Variants in B3GAT2 observed in about 807,000 individuals in gnomAD.
B3GAT2 encodes galactosylgalactosylxylosylprotein 3-beta-glucuronosyltransferase 2.
A neutral mutation model predicts 27.8 loss-of-function variants in B3GAT2; 26 were observed. That is an observed-to-expected ratio of 0.93 (90% CI 0.68 to 1.30). B3GAT2 has a LOEUF of 1.30. Among genes scored for constraint, B3GAT2 ranks in the 50% most tolerant of loss-of-function variants. The pLI is 0.00. For synonymous variants in B3GAT2, 218 were observed against 195.1 expected (o/e 1.12, Z -0.98); for missense variants, 458 against 459.0 (o/e 1.00, Z 0.02).
chr6:70,861,223 A>G lies in B3GAT2; in HGVS notation c.*440T>C, dbSNP rs2150019087. On this transcript the variant is annotated 3_prime_UTR_variant, in exon 4 of 4. Coordinates refer to ENST00000230053, the MANE Select transcript of B3GAT2 (RefSeq NM_080742.3). ...GATGTATACTGCCACTAACCTTCCA[A>G]AAATTACTTAGTATTGCAAAGTCAG... The G allele has an allele frequency of 5.8e-6, 1 of 171,020 alleles. No individual in the cohort carries two copies. Among genetic ancestry groups the G allele is most frequent in the Admixed American group, 5.6e-5 (1 of 17,820 alleles). The allele number at this position is 171,020 out of a possible 1,614,324, so 10.6% of individuals were successfully genotyped here.
At chr6:70,951,018 G>A (rs534914491) in intron 1 of B3GAT2, among the ~76,000 whole-genome samples, 1 of 152,172 alleles carries the variant, frequency 6.6e-6, no homozygotes, top group South Asian at 2.1e-4. Flanking sequence ...CTATGTACTG[G>A]TATAACAATT....
chr6:70,929,155 A>G (rs1053515457), intron 1 of B3GAT2, among the ~76,000 whole-genome samples: 2 of 152,092 alleles, frequency 1.3e-5, no homozygotes, highest in Admixed American at 6.6e-5. Context: ...GTGGGAATTG[A>G]ACAATGAGAA....
At chr6:70,897,047 T>C (rs1053581673) in intron 1 of B3GAT2, among the ~76,000 whole-genome samples, 1 of 152,214 alleles carries the variant, frequency 6.6e-6, no homozygotes, top group South Asian at 2.1e-4. Flanking sequence ...AGACGTCTAG[T>C]TCCTCCACAT....
intron 1 of B3GAT2, among the ~76,000 whole-genome samples, chr6:70,941,509 G>A (rs962466352): frequency 2.0e-5 from 3 of 151,920 alleles, no homozygotes; most frequent in Admixed American, 6.6e-5. Flanking sequence ...ACTGACTCAC[G>A]ACCACCTTGA....
At chr6:70,904,405 C>G (rs1225284773) in intron 1 of B3GAT2, among the ~76,000 whole-genome samples, 1 of 152,070 alleles carries the variant, frequency 6.6e-6, no homozygotes, top group Non-Finnish European at 1.5e-5. Flanking sequence ...TATGAACTCA[C>G]GATTAAAGAG....
chr6:70,902,331 T>C (rs1451276544), intron 1 of B3GAT2, among the ~76,000 whole-genome samples: 1 of 150,672 alleles, frequency 6.6e-6, no homozygotes, highest in Non-Finnish European at 1.5e-5. Flanking sequence ...TGGACATCCA[T>C]GCTAAAAAAA....
intron 1 of B3GAT2, among the ~76,000 whole-genome samples, chr6:70,907,905 G>C (rs1772627463): frequency 6.6e-6 from 1 of 152,206 alleles, no homozygotes; most frequent in Non-Finnish European, 1.5e-5. Context: ...AATATAGTGA[G>C]ATAATATATG....
At chr6:70,893,866 T>C (rs950917122) in intron 2 of B3GAT2, among the ~76,000 whole-genome samples, 2 of 152,150 alleles carry the variant, frequency 1.3e-5, no homozygotes, top group Admixed American at 1.3e-4. Context: ...AGCTGCCATG[T>C]AGACGCTTGT....
intron 1 of B3GAT2, among the ~76,000 whole-genome samples, chr6:70,930,237 C>G (rs962590662): frequency 3.9e-5 from 6 of 152,160 alleles, no homozygotes; most frequent in African/African-American, 1.4e-4. Context: ...ACCATAAGAA[C>G]CCTAGAAGAA....
intron 2 of B3GAT2, among the ~76,000 whole-genome samples, chr6:70,871,220 TTG>T (rs1237634445): frequency 0.024 from 1,376 of 58,192 alleles, 32 homozygotes; most frequent in African/African-American, 0.034. Context: ...TTTTTTTTTT[TTG>T]TTTTTTTTTT....
intron 1 of B3GAT2, among the ~76,000 whole-genome samples, chr6:70,943,553 C>T (rs1051288865): frequency 6.6e-5 from 10 of 152,266 alleles, no homozygotes; most frequent in Admixed American, 2.6e-4. Context: ...ACATGATACA[C>T]GCCTAGGAGA....
rs1236091596 is a variant in B3GAT2 at position 70,859,214 on chromosome 6, T to TA, written c.*2448dup. On this transcript the variant is annotated 3_prime_UTR_variant, in exon 4 of 4. Coordinates refer to ENST00000230053, the MANE Select transcript of B3GAT2 (RefSeq NM_080742.3). ...CATTGGTCTCTACCCGCTGGGAATC[T>TA]AAAAAATTGTATGTGCTAAGTGTCA... The TA allele has an allele frequency of 3.1e-6, 2 of 655,384 alleles. No homozygotes were observed. Among genetic ancestry groups the TA allele is most frequent in the African/African-American group, 1.8e-5 (1 of 54,642 alleles). 40.6% of individuals were successfully genotyped at this position (655,384 alleles called of 1,614,324 possible).
intron 1 of B3GAT2, among the ~76,000 whole-genome samples, chr6:70,947,573 A>T (rs1166281171): frequency 6.6e-6 from 1 of 151,898 alleles, no homozygotes; most frequent in Non-Finnish European, 1.5e-5. Context: ...AGGCTCTGAA[A>T]TTGTGGGAAT....
chr6:70,860,185 TTA>T lies in B3GAT2; in HGVS notation c.*1476_*1477del. 5 of 1,598,464 alleles carry T rather than the reference TTA, an allele frequency of 3.1e-6. No individual in the cohort carries two copies. Among genetic ancestry groups the T allele is most frequent in the Non-Finnish European group, 3.4e-6 (4 of 1,173,894 alleles). On this transcript the variant is annotated 3_prime_UTR_variant, in exon 4 of 4. Coordinates refer to ENST00000230053, the MANE Select transcript of B3GAT2 (RefSeq NM_080742.3). ...AAGTAAGCCTCTTGAACTAAGCCTT[TTA>T]TATGTTTCACAGATGAATCAGCAGA...
At chr6:70,935,470 A>G (rs1162349795) in intron 1 of B3GAT2, among the ~76,000 whole-genome samples, 1 of 151,826 alleles carries the variant, frequency 6.6e-6, no homozygotes, top group Non-Finnish European at 1.5e-5. Context: ...AAATATATAT[A>G]TGTGTATATA....
chr6:70,919,786 C>G (rs971524589), intron 1 of B3GAT2, among the ~76,000 whole-genome samples: 2 of 152,164 alleles, frequency 1.3e-5, no homozygotes, highest in Non-Finnish European at 1.5e-5. Flanking sequence ...CCTAGAGGGG[C>G]ACCCGCCTGT....
At chr6:70,905,344 T>C (rs143438811) in intron 1 of B3GAT2, among the ~76,000 whole-genome samples, 209 of 152,328 alleles carry the variant, frequency 1.4e-3, no homozygotes, top group African/African-American at 4.8e-3. Flanking sequence ...TATTTCACTA[T>C]CCCTTGCATA....
rs1771701945 is a variant in B3GAT2, at chr6:70,861,055, A to AATC, written c.*605_*607dup. The stretch of plus-strand genomic sequence containing the variant: ...AACTAACTAAAACAAAGCCACTTTC[A>AATC]ATCTTCAATCCTTGAAGGTATATCT... On this transcript the variant is annotated 3_prime_UTR_variant, in exon 4 of 4. Transcript: ENST00000230053. 4.5e-6 allele frequency: 1 copy of AATC among 220,396 alleles called. No homozygotes were observed. Among genetic ancestry groups the AATC allele is most frequent in the Non-Finnish European group, 8.9e-6 (1 of 112,436 alleles). 13.7% of individuals were successfully genotyped at this position (220,396 alleles called of 1,614,324 possible).
intron 1 of B3GAT2, among the ~76,000 whole-genome samples, chr6:70,908,580 A>G (rs1772637628): frequency 6.6e-6 from 1 of 152,220 alleles, no homozygotes; most frequent in African/African-American, 2.4e-5. Flanking sequence ...AACATGAAAA[A>G]ATGTTTTAAT....
Sources: allele counts gnomAD v4.1 joint callset (sites outside exome capture counted in the v4.1 genomes callset), GRCh38; gene constraint gnomAD v4.1.1; transcripts MANE v1.5; gene names NCBI Gene and HGNC (gene_info 2026-07-23, HGNC 2026-07-21).